Variants in TUSC3 observed in about 807,000 individuals in gnomAD.
TUSC3 encodes the protein tumor suppressor candidate 3, also known as dolichyl-diphosphooligosaccharide--protein glycosyltransferase subunit TUSC3.
A neutral mutation model predicts 44.8 loss-of-function variants in TUSC3; 45 were observed. That is an observed-to-expected ratio of 1.00 (90% CI 0.79 to 1.29). TUSC3 has a LOEUF of 1.29. TUSC3 is among the 50% of genes most tolerant of loss of function. TUSC3 has a pLI of 0.00. For missense variants in TUSC3, 519 were observed against 437.9 expected (o/e 1.19, Z -1.65); for synonymous variants, 212 against 152.9 (o/e 1.39, Z -2.85).
chr8:15,456,335 C>A (rs1295229875), intron 1 of TUSC3, among the ~76,000 whole-genome samples: 2 of 151,990 alleles, frequency 1.3e-5, no homozygotes, highest in African/African-American at 2.4e-5. Context: ...AAGTTTTACA[C>A]CAATTTGGCC....
intron 9 of TUSC3, among the ~76,000 whole-genome samples, chr8:15,750,978 CAAA>C (rs1241832062): frequency 3.3e-5 from 5 of 152,054 alleles, no homozygotes; most frequent in African/African-American, 1.2e-4. Context: ...GAGAGCCTAT[CAAA>C]GAAGCTTGGG....
At chr8:15,433,950 G>A (rs1430562078) in intron 1 of TUSC3, among the ~76,000 whole-genome samples, 1 of 152,054 alleles carries the variant, frequency 6.6e-6, no homozygotes, top group Non-Finnish European at 1.5e-5. Context: ...GTGGATATGT[G>A]TTTTTATTTT....
At chr8:15,676,582 C>G (rs1203568329) in intron 6 of TUSC3, among the ~76,000 whole-genome samples, 1 of 151,994 alleles carries the variant, frequency 6.6e-6, no homozygotes, top group South Asian at 2.1e-4. Context: ...CTGGGTTGTT[C>G]CAGGGGACAT....
the TUSC3 span, among the ~76,000 whole-genome samples, chr8:15,792,866 G>T: frequency 0.17 from 25,310 of 151,894 alleles, 2,153 homozygotes; most frequent in Middle Eastern, 0.22. Context: ...TTACCCACCT[G>T]CCTCGGCCTC....
At chr8:15,477,764 A>G (rs1800600557) in intron 1 of TUSC3, among the ~76,000 whole-genome samples, 1 of 152,138 alleles carries the variant, frequency 6.6e-6, no homozygotes. Context: ...ATATTTGTGT[A>G]TACACATATA....
chr8:15,630,427 G>A (rs9694476), intron 2 of TUSC3, among the ~76,000 whole-genome samples: 2 of 151,660 alleles, frequency 1.3e-5, no homozygotes, highest in East Asian at 3.9e-4. Context: ...TATTGGGGAC[G>A]CTATGTTAAG....
At chr8:15,544,498 A>G (rs4623426) in intron 1 of TUSC3, among the ~76,000 whole-genome samples, 31,209 of 151,666 alleles carry the variant, frequency 0.21, 3,723 homozygotes, top group East Asian at 0.34. Flanking sequence ...TGAAGAGCTC[A>G]TGTTTTCTAA....
Position 15,540,534 on chromosome 8 carries a change from G to C in TUSC3, c.104G>C (p.Cys35Ser). The C allele has an allele frequency of 1.2e-6, 2 of 1,603,556 alleles. No homozygotes were observed. Among genetic ancestry groups the C allele is most frequent in the East Asian group, 2.3e-5 (1 of 43,868 alleles). Residue 35 changes from cysteine (C) to serine (S), a missense_variant, in exon 1 of 11, where the codon TGC (cysteine) becomes TCC (serine). Coordinates refer to ENST00000503731, the MANE Select transcript of TUSC3 (RefSeq NM_006765.4). ...TTCCTTCTCCTGCTGCTGCTGCTCT[G>C]CATCCAGCTCGGGGGAGGACAGAAG... is the stretch of plus-strand genomic sequence containing the variant. ...FPFLLLLLLL[C>S]IQLGGGQKKK... is the part of the protein sequence containing the mutation.
intron 6 of TUSC3, among the ~76,000 whole-genome samples, chr8:15,700,276 A>G (rs1398203521): frequency 6.6e-6 from 1 of 152,188 alleles, no homozygotes; most frequent in East Asian, 1.9e-4. Flanking sequence ...TAACTACGGT[A>G]TGCTTTTCCC....
chr8:15,584,095 G>A (rs1803495110), intron 1 of TUSC3, among the ~76,000 whole-genome samples: 1 of 152,238 alleles, frequency 6.6e-6, no homozygotes, highest in East Asian at 1.9e-4. Flanking sequence ...ATTTCTGTGG[G>A]AATTTGAAAT....
At chr8:15,742,620 A>G (rs1457934153) in intron 7 of TUSC3, among the ~76,000 whole-genome samples, 1 of 152,204 alleles carries the variant, frequency 6.6e-6, no homozygotes, top group East Asian at 1.9e-4. Context: ...CAGGAGATTC[A>G]TTGATGCTGT....
chr8:15,777,954 C>T, the TUSC3 span, among the ~76,000 whole-genome samples: 1 of 152,042 alleles, frequency 6.6e-6, no homozygotes, highest in Non-Finnish European at 1.5e-5. Flanking sequence ...AAGTCTATGC[C>T]TAAATTTTTC....
At chr8:15,517,855 A>G (rs189697347) in intron 2 of TUSC3, among the ~76,000 whole-genome samples, 3 of 151,950 alleles carry the variant, frequency 2.0e-5, no homozygotes, top group Non-Finnish European at 4.4e-5. Context: ...TTCTTCTGAT[A>G]TAATTCACAT....
At position 15,523,664 on chromosome 8, in the gene TUSC3, ATGTGTGTGTGTGTG is replaced by A. The variant is rs869090876; in HGVS notation, n.189+40213_189+40226del. The stretch of plus-strand genomic sequence containing the variant: ...CATATATATATATATATATATATAT[ATGTGTGTGTGTGTG>A]TGTGTGTGTGTGTGTGTGTGTGTGT... On this transcript the variant is annotated intron_variant and non_coding_transcript_variant, in intron 2 of 5. Transcript: ENST00000503191. 2.5e-3 allele frequency among the ~76,000 whole-genome samples: 106 copies of A among 42,420 alleles called. 4 individuals are homozygous for A. The highest frequency in any genetic ancestry group is 8.2e-3 in the African/African-American group (94 of 11,520). The allele number at this position is 42,420 out of a possible 152,430, so 27.8% of individuals were successfully genotyped here.
intron 6 of TUSC3, among the ~76,000 whole-genome samples, chr8:15,701,273 A>G (rs372374124): frequency 2.0e-5 from 3 of 152,070 alleles, no homozygotes; most frequent in Non-Finnish European, 2.9e-5. Flanking sequence ...GCCATTCCTC[A>G]TAGGAAGCCA....
chr8:15,667,538 A>G (rs989101777), intron 5 of TUSC3, among the ~76,000 whole-genome samples: 4 of 151,768 alleles, frequency 2.6e-5, no homozygotes, highest in Admixed American at 2.6e-4. Flanking sequence ...CATGGAATAT[A>G]CAAAGGATTG....
chr8:15,502,560 C>T (rs1006123596), intron 2 of TUSC3, among the ~76,000 whole-genome samples: 23 of 152,124 alleles, frequency 1.5e-4, no homozygotes, highest in African/African-American at 3.6e-4. Flanking sequence ...GCGCGATCTC[C>T]GCTCACTGCA....
intron 2 of TUSC3, among the ~76,000 whole-genome samples, chr8:15,497,049 T>C (rs182630419): frequency 6.6e-6 from 1 of 152,030 alleles, no homozygotes; most frequent in Non-Finnish European, 1.5e-5. Context: ...GAAATAAACA[T>C]AGTAAATAAG....
chr8:15,477,075 G>A, intron 1 of TUSC3, among the ~76,000 whole-genome samples: 1 of 152,246 alleles, frequency 6.6e-6, no homozygotes, highest in East Asian at 1.9e-4. Context: ...CAAAAGAAAG[G>A]GTGGGTTGCA....
Sources: gnomAD v4.1 joint callset for allele counts (sites outside exome capture counted in the v4.1 genomes callset) on GRCh38, gnomAD v4.1.1 for gene constraint, MANE v1.5 for transcripts, NCBI Gene and HGNC (gene_info 2026-07-23, HGNC 2026-07-21) for gene names.